Variants in TFEC observed in about 807,000 individuals in gnomAD.
TFEC encodes class E basic helix-loop-helix protein 34.
TFEC carries 31 observed loss-of-function variants against 41.6 expected under a neutral mutation model. The ratio of observed to expected loss-of-function variants is 0.74; its 90% CI spans 0.56 to 1.01. TFEC has a LOEUF of 1.01. TFEC is among the 50% of genes least tolerant of loss of function. The pLI is 0.00. For missense variants in TFEC, 402 were observed against 404.1 expected, an observed-to-expected ratio of 0.99 and a Z score of 0.04; for synonymous variants, 143 against 140.6, an observed-to-expected ratio of 1.02 and a Z score of -0.12.
intron 1 of TFEC, among the ~76,000 whole-genome samples, chr7:116,129,920 T>C (rs1208721837): frequency 6.6e-6 from 1 of 152,004 alleles, no homozygotes; most frequent in Non-Finnish European, 1.5e-5. Flanking sequence ...CCTATCACCA[T>C]AAACTTTCTA....
chr7:116,018,610 C>G (rs12535411), intron 1 of TFEC, among the ~76,000 whole-genome samples: 78,690 of 151,942 alleles, frequency 0.52, 20,985 homozygotes, highest in Non-Finnish European at 0.58. Context: ...AGCTGAGGCT[C>G]ATAAGGACAT....
At chr7:116,131,637 G>T (rs1343049609) in intron 1 of TFEC, among the ~76,000 whole-genome samples, 1 of 151,968 alleles carries the variant, frequency 6.6e-6, no homozygotes, top group Admixed American at 6.6e-5. Context: ...AATTAGCACT[G>T]TCCACTGTCT....
At chr7:116,109,385 C>G (rs1185015941) in intron 3 of TFEC, among the ~76,000 whole-genome samples, 5 of 152,064 alleles carry the variant, frequency 3.3e-5, no homozygotes, top group Non-Finnish European at 7.4e-5. Context: ...AAGAAAAAAA[C>G]AAACAAACCC....
chr7:116,064,654 GT>G (rs1437873172), intron 3 of TFEC, among the ~76,000 whole-genome samples: 1 of 152,006 alleles, frequency 6.6e-6, no homozygotes. Context: ...CGTGGCATAT[GT>G]ATGCCTATGT....
intron 1 of TFEC, among the ~76,000 whole-genome samples, chr7:116,133,473 T>C (rs940935673): frequency 2.0e-5 from 3 of 151,636 alleles, no homozygotes; most frequent in South Asian, 2.1e-4. Flanking sequence ...AAAGTGGACA[T>C]TGCAGTGAGC....
intron 1 of TFEC, among the ~76,000 whole-genome samples, chr7:116,019,427 T>C (rs1213677223): frequency 6.6e-6 from 1 of 152,232 alleles, no homozygotes; most frequent in African/African-American, 2.4e-5. Flanking sequence ...AACATGGTTT[T>C]AGTCCTCTTT....
chr7:116,021,939 G>C (rs1335079564), intron 1 of TFEC, among the ~76,000 whole-genome samples: 1 of 152,160 alleles, frequency 6.6e-6, no homozygotes, highest in African/African-American at 2.4e-5. Context: ...TGAGCAACTA[G>C]TTTGACAATA....
At chr7:116,085,149 C>T (rs115322714) in intron 3 of TFEC, among the ~76,000 whole-genome samples, 2,894 of 151,772 alleles carry the variant, frequency 0.019, 93 homozygotes, top group African/African-American at 0.065. Flanking sequence ...GCTTGCTGGG[C>T]TTGAGGAGCT....
chr7:115,994,994 C>A (rs1161544916), intron 1 of TFEC, among the ~76,000 whole-genome samples: 5 of 152,010 alleles, frequency 3.3e-5, no homozygotes, highest in African/African-American at 4.8e-5. Flanking sequence ...TGGCACATAT[C>A]CACCATGGAA....
chr7:116,049,163 C>A (rs1796245255), intron 3 of TFEC, among the ~76,000 whole-genome samples: 1 of 152,120 alleles, frequency 6.6e-6, no homozygotes, highest in Admixed American at 6.5e-5. Flanking sequence ...GCTAAATGCT[C>A]CCATTAAAAG....
intron 1 of TFEC, among the ~76,000 whole-genome samples, chr7:116,153,941 AG>A (rs1172721154): frequency 6.6e-6 from 1 of 152,216 alleles, no homozygotes; most frequent in East Asian, 1.9e-4. Flanking sequence ...GGAAGAAAAC[AG>A]AAAAGTGTCC....
chr7:115,935,733 G>A lies in TFEC; in HGVS notation c.*4818C>T, dbSNP rs1793198717. The A allele has an allele frequency of 6.6e-6, 1 of 151,516 alleles. No homozygotes were observed. The highest frequency in any genetic ancestry group is 1.5e-5 in the Non-Finnish European group (1 of 67,578). The allele number at this position is 151,516 out of a possible 1,614,324, so 9.4% of individuals were successfully genotyped here. A position where few individuals can be genotyped will look rare whatever the true frequency, so the allele number is the denominator to read the frequency against. On this transcript the variant is annotated 3_prime_UTR_variant, in exon 8 of 8. Transcript: ENST00000265440. ...AATATAGAATTTTTGCAATAAAACA[G>A]TAGTGCAGGGATAAAAGAGGTAGTA...
At chr7:116,102,363 A>C (rs949152310) in intron 3 of TFEC, among the ~76,000 whole-genome samples, 3 of 152,182 alleles carry the variant, frequency 2.0e-5, no homozygotes, top group African/African-American at 7.2e-5. Flanking sequence ...GTTTGGAAAA[A>C]GGGTATCAAT....
intron 1 of TFEC, among the ~76,000 whole-genome samples, chr7:115,991,482 T>C (rs897003555): frequency 6.6e-6 from 1 of 152,002 alleles, no homozygotes; most frequent in Non-Finnish European, 1.5e-5. Flanking sequence ...AGGAGACCCA[T>C]CTCATGTGTA....
chr7:116,078,084 G>T lies in TFEC; in HGVS notation c.198+32624C>A, dbSNP rs187637941. Among the ~76,000 whole-genome samples the T allele has an allele frequency of 2.8e-4, 42 of 152,106 alleles. 1 individual carries two copies. The East Asian group carries it at 7.7e-3, about 28-fold the overall frequency. On this transcript the variant is annotated intron_variant, in intron 3 of 8. Coordinates refer to the TFEC transcript ENST00000484212. ...CAAAATTATATCAAATACTCTCTCAGGCTGCAGTGGAATGAAATTTGAAAT... is the reference window on the plus strand; with the variant it reads ...CAAAATTATATCAAATACTCTCTCATGCTGCAGTGGAATGAAATTTGAAAT...
chr7:116,119,300 A>G, intron 1 of TFEC, among the ~76,000 whole-genome samples: 1 of 151,878 alleles, frequency 6.6e-6, no homozygotes, highest in South Asian at 2.1e-4. Flanking sequence ...CATTATACAG[A>G]AAAATAGTAT....
At chr7:116,137,883 TTAA>T (rs1471060234) in intron 1 of TFEC, among the ~76,000 whole-genome samples, 7 of 151,854 alleles carry the variant, frequency 4.6e-5, no homozygotes, top group East Asian at 1.9e-4. Flanking sequence ...AATGAAAATA[TTAA>T]TAAATAAATA....
chr7:116,117,927 C>T (rs973813075), intron 1 of TFEC, among the ~76,000 whole-genome samples: 5 of 151,762 alleles, frequency 3.3e-5, no homozygotes, highest in Non-Finnish European at 7.4e-5. Context: ...TTTCAAAATG[C>T]CCCAAGGCAC....
intron 3 of TFEC, among the ~76,000 whole-genome samples, chr7:116,099,046 C>T (rs557315510): frequency 6.6e-6 from 1 of 152,184 alleles, no homozygotes; most frequent in East Asian, 1.9e-4. Context: ...AAGCACAATC[C>T]ATAAAATAAA....
Sources: allele counts gnomAD v4.1 joint callset (sites outside exome capture counted in the v4.1 genomes callset), GRCh38; gene constraint gnomAD v4.1.1; transcripts MANE v1.5; gene names NCBI Gene and HGNC (gene_info 2026-07-23, HGNC 2026-07-21).